Variants in STARD13 observed in about 807,000 individuals in gnomAD.
The protein encoded by STARD13 is StAR related lipid transfer domain containing 13.
A neutral mutation model predicts 106.4 loss-of-function variants in STARD13; 62 were observed. The observed-to-expected ratio is 0.58, with a 90% CI of 0.48 to 0.72. STARD13 has a LOEUF of 0.72. Ranked by LOEUF, STARD13 falls within the 30% of genes least tolerant of loss-of-function variation. The pLI, the probability that STARD13 is intolerant of heterozygous loss-of-function variation, is 0.00. For synonymous variants in STARD13, 565 were observed against 553.0 expected (o/e 1.02, Z -0.31); for missense variants, 1,387 against 1,424.0 (o/e 0.97, Z 0.42).
At chr13:33,376,502 A>G in the STARD13 span, among the ~76,000 whole-genome samples, 1 of 152,112 alleles carries the variant, frequency 6.6e-6, no homozygotes, top group African/African-American at 2.4e-5. Context: ...TAATAGTCCC[A>G]GCTAATCAGG....
At chr13:33,422,821 C>T in the STARD13 span, among the ~76,000 whole-genome samples, 178 of 152,234 alleles carry the variant, frequency 1.2e-3, no homozygotes, top group Non-Finnish European at 1.3e-3. Context: ...CTTTGACAAA[C>T]CTGACAAAAA....
intron 1 of STARD13, among the ~76,000 whole-genome samples, chr13:33,261,858 C>T (rs1788926231): frequency 6.6e-6 from 1 of 152,164 alleles, no homozygotes. Flanking sequence ...CTTTCCAGAA[C>T]AGTTAAAACA....
chr13:33,351,416 G>A (rs912784588), upstream of STARD13, among the ~76,000 whole-genome samples: 5 of 152,146 alleles, frequency 3.3e-5, no homozygotes, highest in East Asian at 9.6e-4. Context: ...AAGGAAAGAA[G>A]GAAATGTATT....
intron 1 of STARD13, among the ~76,000 whole-genome samples, chr13:33,225,717 A>T (rs116925412): frequency 1.3e-5 from 2 of 152,288 alleles, no homozygotes; most frequent in Non-Finnish European, 2.9e-5. Context: ...TGTTTCATAA[A>T]ATACTGCTTT....
At chr13:33,600,555 G>A in the STARD13 span, among the ~76,000 whole-genome samples, 1 of 151,998 alleles carries the variant, frequency 6.6e-6, no homozygotes, top group Admixed American at 6.6e-5. Flanking sequence ...AAAGCAAATG[G>A]GTGAAATGTT....
chr13:33,430,379 C>T, the STARD13 span, among the ~76,000 whole-genome samples: 1 of 152,042 alleles, frequency 6.6e-6, no homozygotes, highest in Non-Finnish European at 1.5e-5. Context: ...ACTATGTACC[C>T]AGAAAAATCA....
intron 3 of STARD13, among the ~76,000 whole-genome samples, chr13:33,164,682 A>C (rs1883118041): frequency 6.6e-6 from 1 of 152,224 alleles, no homozygotes; most frequent in African/African-American, 2.4e-5. Flanking sequence ...TTATTTGCTC[A>C]GGTATTCACA....
At chr13:33,499,626 TTCTTC>T in the STARD13 span, among the ~76,000 whole-genome samples, 1 of 114,200 alleles carries the variant, frequency 8.8e-6, no homozygotes, top group Admixed American at 8.6e-5. Context: ...CTTCTTCTTC[TTCTTC>T]TTCTTCTTCT....
At chr13:33,269,343 T>C (rs891157435) in intron 1 of STARD13, among the ~76,000 whole-genome samples, 2 of 152,224 alleles carry the variant, frequency 1.3e-5, no homozygotes, top group Admixed American at 6.5e-5. Context: ...ACTTTCACCC[T>C]ACTTTCCTAA....
chr13:33,109,232 A>C (rs1470265779), intron 12 of STARD13, among the ~76,000 whole-genome samples: 1 of 152,204 alleles, frequency 6.6e-6, no homozygotes. Context: ...TGGCTGATGC[A>C]ACACTGCATC....
the STARD13 span, among the ~76,000 whole-genome samples, chr13:33,584,251 T>C: frequency 2.6e-5 from 4 of 152,202 alleles, no homozygotes; most frequent in African/African-American, 9.6e-5. Context: ...GAGGTTTAAT[T>C]GGCTCATGGG....
At chr13:33,362,638 C>T in the STARD13 span, among the ~76,000 whole-genome samples, 12 of 151,428 alleles carry the variant, frequency 7.9e-5, no homozygotes, top group Non-Finnish European at 1.5e-4. Context: ...ACGTCAACCA[C>T]CACCACAACA....
chr13:33,205,136 T>C (rs1328062670), intron 1 of STARD13, among the ~76,000 whole-genome samples: 1 of 152,170 alleles, frequency 6.6e-6, no homozygotes, highest in African/African-American at 2.4e-5. Context: ...AGATGTAACA[T>C]ACAATTACCA....
chr13:33,251,835 T>C (rs1890107988), intron 1 of STARD13, among the ~76,000 whole-genome samples: 2 of 152,216 alleles, frequency 1.3e-5, no homozygotes, highest in Non-Finnish European at 2.9e-5. Flanking sequence ...CTATTTAGCT[T>C]GTCAAGTAAG....
At chr13:33,612,153 T>C in the STARD13 span, among the ~76,000 whole-genome samples, 3 of 152,212 alleles carry the variant, frequency 2.0e-5, no homozygotes, top group Non-Finnish European at 2.9e-5. Flanking sequence ...AGTAGAACTA[T>C]TGGGCTCCTA....
the STARD13 span, among the ~76,000 whole-genome samples, chr13:33,533,907 C>T: frequency 6.6e-6 from 1 of 152,166 alleles, no homozygotes; most frequent in South Asian, 2.1e-4. Context: ...AAGGTGTTTT[C>T]CATTACATGA....
At chr13:33,616,212 G>A in the STARD13 span, among the ~76,000 whole-genome samples, 1 of 150,158 alleles carries the variant, frequency 6.7e-6, no homozygotes, top group Non-Finnish European at 1.5e-5. Flanking sequence ...GAAAAGGAGA[G>A]GAGAGGAGAG....
the STARD13 span, among the ~76,000 whole-genome samples, chr13:33,655,952 A>G: frequency 1.3e-5 from 2 of 152,132 alleles, no homozygotes; most frequent in Non-Finnish European, 2.9e-5. Flanking sequence ...TCTTAGTGGC[A>G]AAGAATTTAA....
chr13:33,177,496 C>A (rs1355068589), intron 1 of STARD13, among the ~76,000 whole-genome samples: 1 of 152,166 alleles, frequency 6.6e-6, no homozygotes, highest in Admixed American at 6.5e-5. Context: ...TTCTGGCATA[C>A]TGCAAGGCTG....
Sources: gnomAD v4.1 joint callset for allele counts (sites outside exome capture counted in the v4.1 genomes callset) on GRCh38, gnomAD v4.1.1 for gene constraint, MANE v1.5 for transcripts, NCBI Gene and HGNC (gene_info 2026-07-23, HGNC 2026-07-21) for gene names.